Variants in PLEKHM3 observed in about 807,000 individuals in gnomAD.
PLEKHM3 encodes the protein pleckstrin homology domain-containing family M member 3.
A neutral mutation model predicts 81.8 loss-of-function variants in PLEKHM3; 45 were observed. The observed-to-expected ratio is 0.55, with a 90% CI of 0.43 to 0.71. The LOEUF is 0.71. Ranked by LOEUF, PLEKHM3 falls within the 30% of genes least tolerant of loss-of-function variation. The pLI, the probability that PLEKHM3 is intolerant of heterozygous loss-of-function variation, is 0.00. For missense variants in PLEKHM3, 788 were observed against 924.3 expected (o/e 0.85, Z 1.91); for synonymous variants, 352 against 356.4 (o/e 0.99, Z 0.14).
chr2:207,905,104 T>C (rs1385970613), intron 6 of PLEKHM3, among the ~76,000 whole-genome samples: 2 of 152,226 alleles, frequency 1.3e-5, no homozygotes, highest in African/African-American at 4.8e-5. Flanking sequence ...GAGAAATGTG[T>C]AGACAGGAAC....
intron 7 of PLEKHM3, among the ~76,000 whole-genome samples, chr2:207,841,115 A>G (rs2092348846): frequency 6.6e-6 from 1 of 151,866 alleles, no homozygotes; most frequent in African/African-American, 2.4e-5. Context: ...ACAACTCTTT[A>G]CGTATTTAAA....
In PLEKHM3 at chr2:207,976,906, G is replaced by A; in HGVS notation, c.1291C>T (p.Gln431Ter). The change falls in exon 3 of 8, where the codon CAG becomes TAG. Residue 431 changes from glutamine (Q) to a stop codon, truncating the protein, a stop_gained. Transcript: ENST00000427836. LOFTEE classifies it high-confidence loss of function. The surrounding 1 kb of genome is among the most constrained non-coding windows in gnomAD (Gnocchi z 4.1). ...TCAGCTCGGAGGCGAAGGACATCCT[G>A]GGGGAAAATGACTTGAAAGCAAGAG... ...CDSCFQVIFP[Q>*]DVLRLRAETR... The A allele has an allele frequency of 6.2e-7, 1 of 1,614,216 alleles. No individual in the cohort carries two copies. The highest frequency in any genetic ancestry group is 8.5e-7 in the Non-Finnish European group (1 of 1,180,038).
At chr2:207,987,784 C>A (rs1460862846) in intron 2 of PLEKHM3, among the ~76,000 whole-genome samples, 1 of 152,148 alleles carries the variant, frequency 6.6e-6, no homozygotes, top group Non-Finnish European at 1.5e-5. Flanking sequence ...ACCTCACCTG[C>A]CTTCCACTCC....
chr2:207,836,984 G>A (rs553722107), intron 7 of PLEKHM3, among the ~76,000 whole-genome samples: 1 of 152,070 alleles, frequency 6.6e-6, no homozygotes, highest in South Asian at 2.1e-4. Flanking sequence ...GCATGTGAGT[G>A]CGGCTTTGCG....
chr2:207,950,416 C>A (rs1167981227), intron 3 of PLEKHM3, among the ~76,000 whole-genome samples: 1 of 152,174 alleles, frequency 6.6e-6, no homozygotes, highest in Admixed American at 6.5e-5. Flanking sequence ...AACGTGTTAG[C>A]TTTAATTGGT....
At chr2:207,839,716 G>A (rs940808213) in intron 7 of PLEKHM3, among the ~76,000 whole-genome samples, 2 of 152,070 alleles carry the variant, frequency 1.3e-5, no homozygotes, top group African/African-American at 2.4e-5. Context: ...GGATGATCCT[G>A]CCCAGGAGTT....
chr2:207,832,137 A>T (rs563051009), intron 7 of PLEKHM3, among the ~76,000 whole-genome samples: 2 of 152,304 alleles, frequency 1.3e-5, no homozygotes, highest in African/African-American at 4.8e-5. Flanking sequence ...TTTCTAACCA[A>T]AGGTCAGTAA....
intron 4 of PLEKHM3, among the ~76,000 whole-genome samples, chr2:207,935,764 T>C (rs1322544458): frequency 1.3e-5 from 2 of 152,252 alleles, no homozygotes; most frequent in African/African-American, 4.8e-5. Flanking sequence ...TATTTTTTAA[T>C]AATGTTACCA....
chr2:207,963,460 A>T (rs1475588737), intron 3 of PLEKHM3, among the ~76,000 whole-genome samples: 1 of 152,204 alleles, frequency 6.6e-6, no homozygotes, highest in African/African-American at 2.4e-5. Flanking sequence ...TCTGAATTTT[A>T]ATAAGATCAC....
chr2:207,975,277 T>C (rs1691266692), intron 3 of PLEKHM3, among the ~76,000 whole-genome samples: 1 of 152,178 alleles, frequency 6.6e-6, no homozygotes, highest in Non-Finnish European at 1.5e-5. Flanking sequence ...TAGAAAAGAC[T>C]AGCATCATAA....
At chr2:207,880,828 T>C (rs367579952) in intron 6 of PLEKHM3, among the ~76,000 whole-genome samples, 1 of 52,932 alleles carries the variant, frequency 1.9e-5, no homozygotes, top group Non-Finnish European at 4.2e-5. Context: ...AAAAAACAAA[T>C]AAAAAATAGA....
chr2:207,854,854 G>T (rs1449450111), intron 7 of PLEKHM3, among the ~76,000 whole-genome samples: 1 of 152,222 alleles, frequency 6.6e-6, no homozygotes, highest in Non-Finnish European at 1.5e-5. Context: ...TGAGAATCCA[G>T]CATCTTAACT....
intron 3 of PLEKHM3, among the ~76,000 whole-genome samples, chr2:207,956,037 T>C (rs973528429): frequency 2.0e-5 from 3 of 152,082 alleles, no homozygotes; most frequent in African/African-American, 7.2e-5. Context: ...AAAAGGAACG[T>C]TCATTCATAA....
intron 1 of PLEKHM3, among the ~76,000 whole-genome samples, chr2:208,015,787 T>C (rs2106121206): frequency 6.6e-6 from 1 of 152,364 alleles, no homozygotes; most frequent in African/African-American, 2.4e-5. Context: ...GTAAAAATGT[T>C]TACTTAAAAC....
At chr2:207,962,085 A>T (rs1273252087) in intron 3 of PLEKHM3, among the ~76,000 whole-genome samples, 1 of 152,160 alleles carries the variant, frequency 6.6e-6, no homozygotes, top group Non-Finnish European at 1.5e-5. Context: ...AGCCCCTAAG[A>T]TCACACCTGA....
intron 5 of PLEKHM3, among the ~76,000 whole-genome samples, chr2:207,918,173 C>T (rs1416717148): frequency 2.0e-5 from 3 of 152,114 alleles, no homozygotes; most frequent in African/African-American, 7.2e-5. Flanking sequence ...CAAATATTTA[C>T]CAGCATAAAA....
At chr2:207,870,486 C>A (rs770888908) in intron 6 of PLEKHM3, among the ~76,000 whole-genome samples, 14 of 152,220 alleles carry the variant, frequency 9.2e-5, no homozygotes, top group Non-Finnish European at 1.9e-4. Flanking sequence ...CGGTCACCTG[C>A]CACTCACTAG....
At chr2:207,963,817 T>C (rs1423507580) in intron 3 of PLEKHM3, among the ~76,000 whole-genome samples, 2 of 152,230 alleles carry the variant, frequency 1.3e-5, no homozygotes, top group African/African-American at 4.8e-5. Flanking sequence ...AGCAGATTGA[T>C]ACCCCAATGG....
chr2:207,978,277 T>C (rs575437674), intron 2 of PLEKHM3, among the ~76,000 whole-genome samples: 2 of 152,012 alleles, frequency 1.3e-5, no homozygotes, highest in South Asian at 4.2e-4. Context: ...CAATCACGCT[T>C]TGCCAGGGTT....
Sources: allele counts gnomAD v4.1 joint callset (sites outside exome capture counted in the v4.1 genomes callset), GRCh38; gene constraint gnomAD v4.1.1; non-coding constraint Gnocchi (gnomAD v3.1); transcripts MANE v1.5; gene names NCBI Gene and HGNC (gene_info 2026-07-23, HGNC 2026-07-21).